The following KIAA0825 variants were observed in gnomAD, a reference collection of about 807,000 sequenced individuals.
KIAA0825 encodes KIAA0825, also known as uncharacterized protein KIAA0825.
A neutral mutation model predicts 147.6 loss-of-function variants in KIAA0825; 119 were observed. That is an observed-to-expected ratio of 0.81 (90% CI 0.69 to 0.94). KIAA0825 has a LOEUF of 0.94. Ranked by LOEUF, KIAA0825 falls within the 40% of genes least tolerant of loss-of-function variation. The pLI is 0.00. For synonymous variants in KIAA0825, 470 were observed against 518.1 expected, an observed-to-expected ratio of 0.91 and a Z score of 1.26; for missense variants, 1,381 against 1,472.7, an observed-to-expected ratio of 0.94 and a Z score of 1.02.
At chr5:94,423,050 A>C (rs768882413) in intron 14 of KIAA0825, among the ~76,000 whole-genome samples, 9 of 152,164 alleles carry the variant, frequency 5.9e-5, no homozygotes, top group Non-Finnish European at 1.2e-4. Flanking sequence ...GATTTGCCTA[A>C]CTGCAAAGGG....
chr5:94,520,438 G>A lies in KIAA0825; in HGVS notation c.780C>T (p.Asn260=). 1.2e-6 allele frequency: 2 copies of A among 1,612,432 alleles called. No individual in the cohort carries two copies. Among genetic ancestry groups the A allele is most frequent in the Non-Finnish European group, 1.7e-6 (2 of 1,178,758 alleles). ...ATGGAGCTAAAATTTCACATAGTGT[G>A]TTAAAATCCTCTTTTATTACTGAGT... The part of the protein sequence containing the change: ...KLYSVIKEDF[N]TLCEILAPSS... The change falls in exon 5 of 21, where the codon AAC becomes AAT. Residue 260 remains asparagine, a synonymous_variant. Coordinates refer to ENST00000682413, the MANE Select transcript of KIAA0825 (RefSeq NM_001145678.3).
At chr5:94,369,799 C>A (rs991152738) in intron 20 of KIAA0825, among the ~76,000 whole-genome samples, 3 of 152,114 alleles carry the variant, frequency 2.0e-5, no homozygotes, top group Non-Finnish European at 2.9e-5. Context: ...TCACTAAGAG[C>A]ATCCAGGGAG....
intron 20 of KIAA0825, among the ~76,000 whole-genome samples, chr5:94,225,235 A>G (rs1774056171): frequency 6.6e-6 from 1 of 152,244 alleles, no homozygotes; most frequent in African/African-American, 2.4e-5. Context: ...AGGAGAATAA[A>G]GTTATCGAAG....
intron 20 of KIAA0825, among the ~76,000 whole-genome samples, chr5:94,195,542 A>G (rs1771052750): frequency 6.6e-6 from 1 of 152,026 alleles, no homozygotes; most frequent in African/African-American, 2.4e-5. Flanking sequence ...AAAAAAGGAG[A>G]TTCCTTTTAA....
At chr5:94,582,377 G>A (rs1782362901) in intron 2 of KIAA0825, 56 bp downstream of exon 2, 1 of 152,158 alleles carries the variant, frequency 6.6e-6, no homozygotes, top group African/African-American at 2.4e-5. Flanking sequence ...AGCTTTCAAG[G>A]AAACTGAGTA....
intron 2 of KIAA0825, among the ~76,000 whole-genome samples, chr5:94,559,370 C>T (rs1242182195): frequency 1.3e-5 from 2 of 152,108 alleles, no homozygotes; most frequent in African/African-American, 4.8e-5. Context: ...CTTACGTTTT[C>T]TATGCAAAGA....
intron 20 of KIAA0825, among the ~76,000 whole-genome samples, chr5:94,265,504 T>C (rs1161826250): frequency 6.6e-6 from 1 of 152,048 alleles, no homozygotes; most frequent in Non-Finnish European, 1.5e-5. Flanking sequence ...CTTATATTAA[T>C]ACTTAAAAAA....
chr5:94,361,724 G>A (rs1318816497), intron 20 of KIAA0825, among the ~76,000 whole-genome samples: 5 of 152,082 alleles, frequency 3.3e-5, no homozygotes, highest in Non-Finnish European at 7.4e-5. Context: ...TAGATTACAG[G>A]CTAAAAGAGG....
chr5:94,558,345 A>G (rs1776953029), intron 2 of KIAA0825, among the ~76,000 whole-genome samples: 1 of 152,210 alleles, frequency 6.6e-6, no homozygotes, highest in Non-Finnish European at 1.5e-5. Flanking sequence ...AGGCAGGGAT[A>G]AGACATCACT....
intron 20 of KIAA0825, among the ~76,000 whole-genome samples, chr5:94,241,801 A>G (rs1775359404): frequency 6.6e-6 from 1 of 152,160 alleles, no homozygotes; most frequent in Admixed American, 6.5e-5. Flanking sequence ...TTTCTCCTCA[A>G]TGTAAATCAG....
intron 20 of KIAA0825, among the ~76,000 whole-genome samples, chr5:94,276,819 C>A (rs571041440): frequency 6.6e-6 from 1 of 152,132 alleles, no homozygotes; most frequent in Admixed American, 6.6e-5. Context: ...ATTGGTTATT[C>A]TCTGCAGAGG....
chr5:94,169,681 C>G (rs925531844), intron 20 of KIAA0825, among the ~76,000 whole-genome samples: 1 of 151,968 alleles, frequency 6.6e-6, no homozygotes, highest in African/African-American at 2.4e-5. Context: ...CATAAAGATC[C>G]CAAAGTTCAT....
chr5:94,191,394 A>G (rs1482370344), intron 20 of KIAA0825, among the ~76,000 whole-genome samples: 1 of 152,186 alleles, frequency 6.6e-6, no homozygotes, highest in Non-Finnish European at 1.5e-5. Context: ...TGAACACAAA[A>G]TGAAACAATT....
rs185728736 is a variant in KIAA0825 at position 94,511,062 on chromosome 5, T to C, written c.970+9186A>G. Reference sequence around the variant, plus strand: ...GCAGAGCCCTCATGAATGGGATTAGTGTCCTTAAAAAAGAGACCACAGAGA... The same window carrying C: ...GCAGAGCCCTCATGAATGGGATTAGCGTCCTTAAAAAAGAGACCACAGAGA... On this transcript the variant is annotated intron_variant, in intron 5 of 20. Coordinates refer to ENST00000682413, the MANE Select transcript of KIAA0825 (RefSeq NM_001145678.3). Among the ~76,000 whole-genome samples the C allele has an allele frequency of 5.9e-4, 90 of 152,164 alleles. 1 individual carries two copies. The highest frequency in any genetic ancestry group is 2.1e-3 in the African/African-American group (88 of 41,522).
At chr5:94,439,925 T>C in intron 14 of KIAA0825, 57 bp downstream of exon 14, 1 of 1,497,548 alleles carries the variant, frequency 6.7e-7, no homozygotes, top group South Asian at 1.3e-5. Flanking sequence ...AAAATGTTAT[T>C]CAACTCGAGC....
intron 20 of KIAA0825, among the ~76,000 whole-genome samples, chr5:94,263,116 A>G (rs1474689422): frequency 6.6e-6 from 1 of 152,144 alleles, no homozygotes; most frequent in Non-Finnish European, 1.5e-5. Flanking sequence ...GTTCTAGACC[A>G]CTAGGTACTT....
Position 94,417,284 on chromosome 5 carries a change from C to A in KIAA0825, c.2579G>T (p.Ser860Ile). 6.4e-7 allele frequency: 1 copy of A among 1,551,014 alleles called. No homozygotes were observed. The highest frequency in any genetic ancestry group is 8.7e-7 in the Non-Finnish European group (1 of 1,146,550). ...EAIFKILYHC[S>I]FSPQTFANVF... ...GTTTGCAAATGTTTGTGGAGAAAAA[C>A]TGCAATGGTACAATATTTTAAAGAT... is the stretch of plus-strand genomic sequence containing the variant. The change falls in exon 15 of 21, where the codon AGT becomes ATT. Residue 860 changes from serine (S) to isoleucine (I), a missense_variant. Ser to Ile is a moderately radical substitution (Grantham distance 142). Coordinates refer to ENST00000682413, the MANE Select transcript of KIAA0825 (RefSeq NM_001145678.3).
chr5:94,436,750 T>G (rs1297142915), intron 14 of KIAA0825, among the ~76,000 whole-genome samples: 1 of 152,218 alleles, frequency 6.6e-6, no homozygotes, highest in Non-Finnish European at 1.5e-5. Flanking sequence ...TTCCTTTCCA[T>G]GAGCATGAAA....
chr5:94,547,736 C>CAAAAAAAAA (rs144612994), intron 2 of KIAA0825, among the ~76,000 whole-genome samples: 1 of 127,680 alleles, frequency 7.8e-6, no homozygotes, highest in Non-Finnish European at 1.6e-5. Context: ...GACTCCCTTT[C>CAAAAAAAAA]AAAAAAAAAA....
Sources: gnomAD v4.1 joint callset for allele counts (sites outside exome capture counted in the v4.1 genomes callset) on GRCh38, gnomAD v4.1.1 for gene constraint, MANE v1.5 for transcripts, NCBI Gene and HGNC (gene_info 2026-07-23, HGNC 2026-07-21) for gene names.